Variants in CUX1 observed in about 807,000 individuals in gnomAD.
CUX1 encodes the protein cut like homeobox 1, also known as protein CASP.
In CUX1, 31 loss-of-function variants were observed where a neutral mutation model predicts 158.8. The ratio of observed to expected loss-of-function variants is 0.20; its 90% confidence interval spans 0.15 to 0.26. CUX1 has a LOEUF of 0.26. Among genes scored for constraint, CUX1 ranks in the 10% least tolerant of loss-of-function variants. CUX1 has a pLI of 1.00. For synonymous variants in CUX1, 879 were observed against 862.1 expected, an observed-to-expected ratio of 1.02 and a Z score of -0.34; for missense variants, 1,589 against 2,014.6, an observed-to-expected ratio of 0.79 and a Z score of 4.04.
intron 3 of CUX1, among the ~76,000 whole-genome samples, chr7:102,045,899 A>G (rs1251850773): frequency 6.6e-6 from 1 of 152,188 alleles, no homozygotes; most frequent in Non-Finnish European, 1.5e-5. Context: ...AGCTGCGTAC[A>G]TGGCTCCTGA....
chr7:101,952,160 G>A (rs916438743), intron 2 of CUX1, among the ~76,000 whole-genome samples: 3 of 152,098 alleles, frequency 2.0e-5, no homozygotes, highest in Non-Finnish European at 2.9e-5. Flanking sequence ...GGCCAAGGTG[G>A]AAGGATTGTT....
chr7:102,054,387 C>A (rs1018083958), intron 3 of CUX1, among the ~76,000 whole-genome samples: 2 of 152,142 alleles, frequency 1.3e-5, no homozygotes, highest in Non-Finnish European at 2.9e-5. Flanking sequence ...GATATCTGGT[C>A]GTCCCAGCAA....
chr7:102,177,224 G>C (rs1169191104), intron 10 of CUX1, among the ~76,000 whole-genome samples: 2 of 151,736 alleles, frequency 1.3e-5, no homozygotes, highest in African/African-American at 4.8e-5. Flanking sequence ...GACCAGCCTG[G>C]CCAACATAGT....
At chr7:102,088,406 G>T (rs1178905892) in intron 4 of CUX1, among the ~76,000 whole-genome samples, 1 of 152,106 alleles carries the variant, frequency 6.6e-6, no homozygotes, top group Non-Finnish European at 1.5e-5. Flanking sequence ...GCTGAGGCGG[G>T]CAGATCGCTT....
At chr7:101,854,119 C>T (rs1227704293) in intron 1 of CUX1, among the ~76,000 whole-genome samples, 2 of 152,068 alleles carry the variant, frequency 1.3e-5, no homozygotes, top group African/African-American at 4.8e-5. Context: ...GAGTTTATAC[C>T]TTTCTGTTCC....
chr7:101,912,321 T>C (rs1803587552), intron 1 of CUX1, among the ~76,000 whole-genome samples: 1 of 150,648 alleles, frequency 6.6e-6, no homozygotes. Context: ...GCTGTTGTTT[T>C]GACAAAGGAC....
At chr7:101,910,909 C>T (rs897079642) in intron 1 of CUX1, among the ~76,000 whole-genome samples, 4 of 152,168 alleles carry the variant, frequency 2.6e-5, no homozygotes, top group Non-Finnish European at 4.4e-5. Flanking sequence ...GGCAGAAAGT[C>T]TGGAGTTGGG....
At chr7:101,874,678 C>T (rs184316429) in intron 1 of CUX1, among the ~76,000 whole-genome samples, 136 of 152,236 alleles carry the variant, frequency 8.9e-4, no homozygotes, top group Non-Finnish European at 1.5e-3. Flanking sequence ...AGGTTCTGCC[C>T]GGGTTTCTGT....
chr7:102,073,833 A>C (rs865884245), intron 4 of CUX1, among the ~76,000 whole-genome samples: 1 of 152,086 alleles, frequency 6.6e-6, no homozygotes, highest in Non-Finnish European at 1.5e-5. Context: ...CTGGCCAGAG[A>C]ATTGAAGTTT....
intron 2 of CUX1, among the ~76,000 whole-genome samples, chr7:101,967,410 T>C (rs1210753853): frequency 6.6e-6 from 1 of 152,202 alleles, no homozygotes; most frequent in Non-Finnish European, 1.5e-5. Flanking sequence ...CCGCGCTAGA[T>C]CTGGTAGCCG....
chr7:102,155,634 G>A (rs187147433), intron 8 of CUX1, among the ~76,000 whole-genome samples: 79 of 152,114 alleles, frequency 5.2e-4, no homozygotes, highest in Admixed American at 6.5e-4. Flanking sequence ...AGGAGTTTAC[G>A]CTCTGAATTC....
At chr7:102,038,996 A>C (rs1410230127) in intron 3 of CUX1, among the ~76,000 whole-genome samples, 1 of 152,224 alleles carries the variant, frequency 6.6e-6, no homozygotes, top group Non-Finnish European at 1.5e-5. Flanking sequence ...AAACCAGTTC[A>C]GAAATTTTGA....
rs73403610 is a variant in CUX1 at position 101,874,831 on chromosome 7, C to T, written c.31-41284C>T. ...TTGATACCATTGAAGACAATTGCAC[C>T]TAAATGAAATAATTTGATGGCGTGG... On this transcript the variant is annotated intron_variant, in intron 1 of 23. Coordinates refer to ENST00000292535, the MANE Select transcript of CUX1 (RefSeq NM_181552.4). Among the ~76,000 whole-genome samples, 1,003 of 152,280 alleles carry T rather than the reference C, an allele frequency of 6.6e-3. 9 individuals are homozygous for T. The highest frequency in any genetic ancestry group is 0.023 in the African/African-American group (941 of 41,550).
chr7:102,004,407 C>T (rs1460078540), intron 2 of CUX1, among the ~76,000 whole-genome samples: 1 of 152,160 alleles, frequency 6.6e-6, no homozygotes, highest in Non-Finnish European at 1.5e-5. Flanking sequence ...ATCTGTTTGG[C>T]AGTGGATCAA....
At chr7:102,148,563 AC>A in intron 8 of CUX1, among the ~76,000 whole-genome samples, 1 of 151,912 alleles carries the variant, frequency 6.6e-6, no homozygotes, top group South Asian at 2.1e-4. Context: ...AAACAAAAAA[AC>A]AAAAAACAAA....
At chr7:102,000,556 G>T (rs916842969) in intron 2 of CUX1, among the ~76,000 whole-genome samples, 16 of 152,304 alleles carry the variant, frequency 1.1e-4, no homozygotes, top group Non-Finnish European at 1.3e-4. Context: ...CAATGACTCT[G>T]GTCCTGCTTT....
chr7:101,936,060 T>C (rs1225764209), intron 2 of CUX1, among the ~76,000 whole-genome samples: 1 of 152,194 alleles, frequency 6.6e-6, no homozygotes, highest in Non-Finnish European at 1.5e-5. Flanking sequence ...GCCCTGAGGC[T>C]GCAGCAGTGA....
chr7:102,158,939 C>T (rs1012792682), intron 9 of CUX1, among the ~76,000 whole-genome samples: 3 of 152,240 alleles, frequency 2.0e-5, no homozygotes, highest in Non-Finnish European at 4.4e-5. Context: ...ACAGTGTAGA[C>T]ATCTCACCAT....
intron 2 of CUX1, among the ~76,000 whole-genome samples, chr7:101,952,409 C>T (rs1025791235): frequency 1.3e-5 from 2 of 152,162 alleles, no homozygotes; most frequent in African/African-American, 4.8e-5. Context: ...AGTACAGATT[C>T]TCGGGTCTAC....
Sources: gnomAD v4.1 joint callset for allele counts (sites outside exome capture counted in the v4.1 genomes callset) on GRCh38, gnomAD v4.1.1 for gene constraint, MANE v1.5 for transcripts, NCBI Gene and HGNC (gene_info 2026-07-23, HGNC 2026-07-21) for gene names.